Variants in EDAR observed in about 807,000 individuals in gnomAD.
EDAR encodes ectodysplasin A receptor.
In EDAR, 38 loss-of-function variants were observed where a neutral mutation model predicts 51.3. The ratio of observed to expected loss-of-function variants is 0.74; its 90% confidence interval spans 0.57 to 0.97. The LOEUF is 0.97. Among genes scored for constraint, EDAR ranks in the 50% least tolerant of loss-of-function variants. EDAR has a pLI of 0.00. For missense variants in EDAR, 528 were observed against 595.0 expected (o/e 0.89, Z 1.17); for synonymous variants, 227 against 242.1 (o/e 0.94, Z 0.58).
Position 108,929,277 on chromosome 2 carries a change from A to G in EDAR, c.277T>C (p.Cys93Arg), listed in dbSNP as rs1697319680. 2 of 1,614,056 alleles carry G rather than the reference A, an allele frequency of 1.2e-6. No individual in the cohort carries two copies. The highest frequency in any genetic ancestry group is 1.1e-5 in the South Asian group (1 of 91,090). Residue 93 changes from cysteine (C) to arginine (R), a missense_variant, in exon 4 of 12, where the codon TGT (cysteine) becomes CGT (arginine). By Grantham distance (180) the Cys-to-Arg change is radical. Coordinates refer to ENST00000258443, the MANE Select transcript of EDAR (RefSeq NM_022336.4). Reference sequence around the variant, plus strand: ...ACGGTGGCCCGGAAGAAGCCCTCACAGTCTTTGTGACGCCTGCATATCTGG... The same window carrying G: ...ACGGTGGCCCGGAAGAAGCCCTCACGGTCTTTGTGACGCCTGCATATCTGG... ...GYQICRRHKD[C>R]EGFFRATVLT...
chr2:108,940,854 T>A (rs992197209), intron 1 of EDAR, among the ~76,000 whole-genome samples: 2 of 152,360 alleles, frequency 1.3e-5, no homozygotes, highest in East Asian at 3.9e-4. Context: ...ATTGCTCAGA[T>A]GATAGTTTTA....
At chr2:108,901,752 A>G (rs919330733) in intron 11 of EDAR, among the ~76,000 whole-genome samples, 5 of 152,252 alleles carry the variant, frequency 3.3e-5, no homozygotes, top group Admixed American at 2.6e-4. Context: ...AACTTACCCA[A>G]TATAAAATAG....
chr2:108,909,695 C>G (rs1266432019), intron 9 of EDAR, among the ~76,000 whole-genome samples: 1 of 152,302 alleles, frequency 6.6e-6, no homozygotes, highest in South Asian at 2.1e-4. Context: ...GGACCAAGTC[C>G]AAATGACCAT....
At chr2:108,977,241 T>C (rs575614144) in intron 1 of EDAR, among the ~76,000 whole-genome samples, 1 of 152,242 alleles carries the variant, frequency 6.6e-6, no homozygotes, top group Non-Finnish European at 1.5e-5. Context: ...GGAGATCTGG[T>C]GGCCTCTCAG....
At chr2:108,924,741 C>A (rs908177585) in intron 4 of EDAR, among the ~76,000 whole-genome samples, 2 of 152,178 alleles carry the variant, frequency 1.3e-5, no homozygotes, top group Non-Finnish European at 2.9e-5. Flanking sequence ...CATTAATTAA[C>A]CAATCTCAAA....
At chr2:108,944,106 G>A (rs534581194) in intron 1 of EDAR, among the ~76,000 whole-genome samples, 38 of 152,262 alleles carry the variant, frequency 2.5e-4, no homozygotes, top group Non-Finnish European at 4.6e-4. Flanking sequence ...GTCTCTGTTC[G>A]GCAGGAATGG....
Position 108,896,489 on chromosome 2 carries a change from G to A in EDAR, c.*418C>T, listed in dbSNP as rs1205435412. 3 of 163,780 alleles carry A rather than the reference G, an allele frequency of 1.8e-5. No homozygotes were observed. The highest frequency in any genetic ancestry group is 4.0e-5 in the Non-Finnish European group (3 of 75,032). 10.1% of individuals were successfully genotyped at this position (163,780 alleles called of 1,614,324 possible). On this transcript the variant is annotated 3_prime_UTR_variant, in exon 12 of 12. Coordinates refer to ENST00000258443, the MANE Select transcript of EDAR (RefSeq NM_022336.4). ...AGCTTGTTTGACGTCTTCCAGTGAA[G>A]TGGTTTGTAAACATACGTTCCTTCT...
chr2:108,915,649 C>A (rs1697012978), intron 5 of EDAR, among the ~76,000 whole-genome samples: 1 of 152,050 alleles, frequency 6.6e-6, no homozygotes, highest in African/African-American at 2.4e-5. Flanking sequence ...CCTATAATCC[C>A]AGCACTTTGG....
chr2:108,976,348 C>T (rs1413731192), intron 1 of EDAR, among the ~76,000 whole-genome samples: 1 of 152,162 alleles, frequency 6.6e-6, no homozygotes, highest in Non-Finnish European at 1.5e-5. Context: ...AGAGGAAGAC[C>T]ACAGAGGCAA....
At chr2:108,929,130 T>G (rs911632386) in intron 4 of EDAR, 68 bp downstream of exon 4, 44 of 1,587,884 alleles carry the variant, frequency 2.8e-5, no homozygotes, top group Non-Finnish European at 3.6e-5. Context: ...CCCAAGGTCC[T>G]TGCCCGTAGC....
In EDAR at chr2:108,895,467, CA is replaced by C. The variant is rs1422170163; in HGVS notation, c.*1439del. 1 of 152,352 alleles carries C rather than the reference CA, an allele frequency of 6.6e-6. No individual in the cohort carries two copies. Among genetic ancestry groups the C allele is most frequent in the East Asian group, 1.9e-4 (1 of 5,202 alleles). 9.4% of individuals were successfully genotyped at this position (152,352 alleles called of 1,614,324 possible). A position where few individuals can be genotyped will look rare whatever the true frequency, so the allele number is the denominator to read the frequency against. ...GGATAGTACAATAATATGCCAAGAA[CA>C]ATGCCAGTTTATTAACTTTCTGCCT... On this transcript the variant is annotated 3_prime_UTR_variant, in exon 12 of 12. Transcript: ENST00000258443.
rs1326003691 is a variant in EDAR at position 108,949,867 on chromosome 2, C to T, written c.-18-18835G>A. ...GAAGCAGATGTGACTGGAAAATAAC[C>T]TCCGAGTAATATGTCCCTTCCAAAT... On this transcript the variant is annotated intron_variant, in intron 1 of 11. Coordinates refer to ENST00000258443, the MANE Select transcript of EDAR (RefSeq NM_022336.4). Among the ~76,000 whole-genome samples, 4 of 152,214 alleles carry T rather than the reference C, an allele frequency of 2.6e-5. No homozygotes were observed. In the East Asian group the frequency reaches 5.8e-4, roughly 22 times the overall value.
intron 11 of EDAR, among the ~76,000 whole-genome samples, chr2:108,897,877 G>A (rs1696629458): frequency 6.6e-6 from 1 of 152,164 alleles, no homozygotes; most frequent in Admixed American, 6.5e-5. Context: ...AATACAAGAA[G>A]TCTGAAAAGT....
At chr2:108,944,079 ACTCTGTTCCTGTTTCTGT>A (rs1343696883) in intron 1 of EDAR, among the ~76,000 whole-genome samples, 1 of 151,848 alleles carries the variant, frequency 6.6e-6, no homozygotes, top group Non-Finnish European at 1.5e-5. Context: ...AGGAGCAAAC[ACTCTGTTCCTGTTTCTGT>A]CTCTGTTCGG....
intron 1 of EDAR, among the ~76,000 whole-genome samples, chr2:108,935,115 C>G (rs1034736116): frequency 6.6e-6 from 1 of 152,166 alleles, no homozygotes; most frequent in Non-Finnish European, 1.5e-5. Context: ...TCAAATCTGG[C>G]GCTTTACGGA....
At chr2:108,904,724 A>G (rs994197765) in intron 11 of EDAR, among the ~76,000 whole-genome samples, 1 of 152,184 alleles carries the variant, frequency 6.6e-6, no homozygotes, top group African/African-American at 2.4e-5. Context: ...ACGGTTACAT[A>G]CCTTGTGATT....
intron 5 of EDAR, among the ~76,000 whole-genome samples, chr2:108,918,225 C>G (rs1444157790): frequency 6.6e-6 from 1 of 152,134 alleles, no homozygotes; most frequent in Admixed American, 6.5e-5. Flanking sequence ...CTGTGCAGCC[C>G]CCAGGATAGG....
intron 1 of EDAR, among the ~76,000 whole-genome samples, chr2:108,937,491 G>C (rs1366681402): frequency 6.6e-6 from 1 of 151,952 alleles, no homozygotes; most frequent in Non-Finnish European, 1.5e-5. Flanking sequence ...ATAAGAGTAT[G>C]TGTATGTGTA....
chr2:108,966,944 T>C (rs1359680343), intron 1 of EDAR, among the ~76,000 whole-genome samples: 1 of 152,202 alleles, frequency 6.6e-6, no homozygotes, highest in Non-Finnish European at 1.5e-5. Flanking sequence ...TGGGTTTGTT[T>C]GTTTGTTTGA....
Sources: allele counts gnomAD v4.1 joint callset (sites outside exome capture counted in the v4.1 genomes callset), GRCh38; gene constraint gnomAD v4.1.1; transcripts MANE v1.5; gene names NCBI Gene and HGNC (gene_info 2026-07-23, HGNC 2026-07-21).